Variants in SLX4IP observed in about 807,000 individuals in gnomAD.
SLX4IP encodes the protein protein SLX4IP.
SLX4IP carries 34 observed loss-of-function variants against 32.9 expected under a neutral mutation model. The observed-to-expected ratio is 1.03, with a 90% CI of 0.79 to 1.38. The LOEUF is 1.38. Ranked by LOEUF, SLX4IP falls within the 40% of genes most tolerant of loss-of-function variation. SLX4IP has a pLI of 0.00. For missense variants in SLX4IP, 444 were observed against 479.0 expected, an observed-to-expected ratio of 0.93 and a Z score of 0.68; for synonymous variants, 172 against 171.7, an observed-to-expected ratio of 1.00 and a Z score of -0.01.
chr20:10,504,001 G>A (rs988092084), intron 2 of SLX4IP, among the ~76,000 whole-genome samples: 3 of 152,140 alleles, frequency 2.0e-5, no homozygotes, highest in Non-Finnish European at 2.9e-5. Context: ...TGGGAGTTAG[G>A]ACTTATCCTA....
At chr20:10,608,182 G>C (rs917734129) in intron 6 of SLX4IP, among the ~76,000 whole-genome samples, 10 of 152,222 alleles carry the variant, frequency 6.6e-5, no homozygotes, top group Admixed American at 5.2e-4. Flanking sequence ...ACTGGAAAAG[G>C]GATTTGAGTT....
At chr20:10,523,948 G>A (rs1366762081) in intron 2 of SLX4IP, among the ~76,000 whole-genome samples, 3 of 152,256 alleles carry the variant, frequency 2.0e-5, no homozygotes, top group African/African-American at 7.2e-5. Context: ...GTAGGAGGAG[G>A]CAGTGATGTT....
Position 10,537,581 on chromosome 20 carries a change from A to G in SLX4IP, c.28-18650A>G, listed in dbSNP as rs2066059260. On this transcript the variant is annotated intron_variant, in intron 2 of 7. Transcript: ENST00000334534. Reference sequence around the variant, plus strand: ...GTTTGGATTATTAGGATCTAAAGACATGATGTTGATCTTTTTATGCTGGAT... The same window carrying G: ...GTTTGGATTATTAGGATCTAAAGACGTGATGTTGATCTTTTTATGCTGGAT... Among the ~76,000 whole-genome samples, 3 of 152,388 alleles carry G rather than the reference A, an allele frequency of 2.0e-5. No individual in the cohort carries two copies. In the East Asian group the frequency reaches 5.8e-4, roughly 29 times the overall value.
At chr20:10,512,595 T>TTA (rs1469073936) in intron 2 of SLX4IP, among the ~76,000 whole-genome samples, 8 of 144,446 alleles carry the variant, frequency 5.5e-5, no homozygotes, top group Admixed American at 1.4e-4. Context: ...TATATATACA[T>TTA]TATATATATA....
At chr20:10,602,351 T>C (rs973718893) in intron 6 of SLX4IP, among the ~76,000 whole-genome samples, 2 of 152,164 alleles carry the variant, frequency 1.3e-5, no homozygotes, top group Non-Finnish European at 2.9e-5. Flanking sequence ...TCTGTCTCCC[T>C]TTTCTCATGC....
intron 4 of SLX4IP, among the ~76,000 whole-genome samples, chr20:10,588,167 T>G (rs1030203609): frequency 6.6e-6 from 1 of 150,844 alleles, no homozygotes; most frequent in African/African-American, 2.5e-5. Flanking sequence ...AGAAAACAAC[T>G]AAATTAAATA....
rs144257710 is a variant in SLX4IP at position 10,476,574 on chromosome 20, G to A, written c.27+18343G>A. Among the ~76,000 whole-genome samples the A allele has an allele frequency of 2.7e-3, 411 of 152,296 alleles. 3 individuals carry two copies. Among genetic ancestry groups the A allele is most frequent in the South Asian group, 6.2e-3 (30 of 4,830 alleles). ...TGCTGTATCAGTTCCTATGCCGCGT[G>A]TGTCTGTTTCACTTCCCATAATGAC... On this transcript the variant is annotated intron_variant, in intron 2 of 7. Transcript: ENST00000334534.
chr20:10,586,946 C>T (rs563019603), intron 4 of SLX4IP, among the ~76,000 whole-genome samples: 30 of 152,074 alleles, frequency 2.0e-4, no homozygotes, highest in East Asian at 1.4e-3. Flanking sequence ...CAGGACAGTT[C>T]GCCCCAAAAT....
intron 1 of SLX4IP, among the ~76,000 whole-genome samples, chr20:10,451,417 C>T (rs977435537): frequency 2.0e-5 from 3 of 152,040 alleles, no homozygotes; most frequent in African/African-American, 4.8e-5. Flanking sequence ...GCGTTGGCCT[C>T]CCAAAGTGTT....
rs1026206631 is a variant in SLX4IP at position 10,482,922 on chromosome 20, C to T, written c.27+24691C>T. ...CCATATCTGTTTAGTGTGCATTTTT[C>T]CCGAGTTAGAGGCATTAATAAGAAT... On this transcript the variant is annotated intron_variant, in intron 2 of 7. Coordinates refer to ENST00000334534, the MANE Select transcript of SLX4IP (RefSeq NM_001009608.3). Among the ~76,000 whole-genome samples, 4 of 152,192 alleles carry T rather than the reference C, an allele frequency of 2.6e-5. No individual in the cohort carries two copies. In the East Asian group the frequency reaches 7.7e-4, roughly 29 times the overall value.
chr20:10,448,354 T>C (rs1277028221), intron 1 of SLX4IP, among the ~76,000 whole-genome samples: 2 of 152,222 alleles, frequency 1.3e-5, no homozygotes, highest in East Asian at 3.9e-4. Flanking sequence ...GTGGTCAACC[T>C]TTCCAACTCC....
intron 4 of SLX4IP, among the ~76,000 whole-genome samples, chr20:10,578,881 ATGTT>A (rs551827074): frequency 1.4e-3 from 213 of 152,236 alleles, no homozygotes; most frequent in African/African-American, 4.9e-3. Context: ...CTGTGGATAA[ATGTT>A]TGTTCAGGAT....
At chr20:10,484,734 T>C (rs2065557425) in intron 2 of SLX4IP, among the ~76,000 whole-genome samples, 1 of 152,192 alleles carries the variant, frequency 6.6e-6, no homozygotes, top group Non-Finnish European at 1.5e-5. Context: ...GAAAAGTATA[T>C]GCTAGTTAGA....
intron 3 of SLX4IP, among the ~76,000 whole-genome samples, chr20:10,559,957 T>A (rs958598077): frequency 6.6e-6 from 1 of 152,222 alleles, no homozygotes; most frequent in African/African-American, 2.4e-5. Flanking sequence ...AACTCACTGC[T>A]CAACAGTTTC....
rs148649715 is a variant in SLX4IP at position 10,526,639 on chromosome 20, C to T, written c.28-29592C>T. Among the ~76,000 whole-genome samples, 236 of 152,002 alleles carry T rather than the reference C, an allele frequency of 1.6e-3. 6 individuals carry two copies. In the East Asian group the frequency reaches 0.036, roughly 23 times the overall value. On this transcript the variant is annotated intron_variant, in intron 2 of 7. Coordinates refer to ENST00000334534, the MANE Select transcript of SLX4IP (RefSeq NM_001009608.3). ...ACAACAGAAATCTATTCTCTCCCCT[C>T]TCTCTCTCTCTTTAAGAGACAGGGT...
At chr20:10,502,279 C>T (rs2065725944) in intron 2 of SLX4IP, among the ~76,000 whole-genome samples, 1 of 152,180 alleles carries the variant, frequency 6.6e-6, no homozygotes, top group Non-Finnish European at 1.5e-5. Flanking sequence ...TGTGTTTCTG[C>T]ACTACCTGGT....
chr20:10,516,155 T>C (rs1239506801), intron 2 of SLX4IP, among the ~76,000 whole-genome samples: 1 of 152,232 alleles, frequency 6.6e-6, no homozygotes, highest in African/African-American at 2.4e-5. Flanking sequence ...CCCAAAATGC[T>C]GGGACTACAG....
intron 1 of SLX4IP, among the ~76,000 whole-genome samples, chr20:10,444,103 G>A (rs935947875): frequency 4.7e-5 from 7 of 148,494 alleles, no homozygotes; most frequent in African/African-American, 1.2e-4. Context: ...TCCCAGTGAA[G>A]AGTTTTGAAT....
At chr20:10,591,179 T>G (rs932317311) in intron 4 of SLX4IP, among the ~76,000 whole-genome samples, 4 of 152,184 alleles carry the variant, frequency 2.6e-5, no homozygotes, top group African/African-American at 9.7e-5. Context: ...GCAATCTCAG[T>G]TCATATAAAG....
Sources: allele counts gnomAD v4.1 joint callset (sites outside exome capture counted in the v4.1 genomes callset), GRCh38; gene constraint gnomAD v4.1.1; transcripts MANE v1.5; gene names NCBI Gene and HGNC (gene_info 2026-07-23, HGNC 2026-07-21).